Variants in STPG2 observed in about 807,000 individuals in gnomAD.
The protein encoded by STPG2 is sperm tail PG-rich repeat containing 2.
In STPG2, 56 loss-of-function variants were observed where a neutral mutation model predicts 54.2. The observed-to-expected ratio is 1.03, with a 90% CI of 0.83 to 1.29. STPG2 has a LOEUF of 1.29. Among genes scored for constraint, STPG2 ranks in the 50% most tolerant of loss-of-function variants. STPG2 has a pLI of 0.00. For synonymous variants in STPG2, 200 were observed against 181.8 expected (o/e 1.10, Z -0.81); for missense variants, 596 against 544.9 (o/e 1.09, Z -0.93).
intron 9 of STPG2, among the ~76,000 whole-genome samples, chr4:97,773,992 A>AGGGT (rs1726296245): frequency 1.2e-5 from 1 of 80,976 alleles, no homozygotes; most frequent in Non-Finnish European, 3.1e-5. Context: ...TCTAAAATAT[A>AGGGT]GGGTGTGTGT....
At chr4:98,048,088 G>GTA (rs1397392478) in intron 5 of STPG2, among the ~76,000 whole-genome samples, 4 of 127,112 alleles carry the variant, frequency 3.1e-5, no homozygotes, top group African/African-American at 1.2e-4. Flanking sequence ...AGGGACAAAA[G>GTA]TATGGTTTTT....
intron 10 of STPG2, among the ~76,000 whole-genome samples, chr4:97,634,367 G>T (rs1437028515): frequency 6.6e-6 from 1 of 152,110 alleles, no homozygotes. Context: ...AAGACCAAAA[G>T]TAGATAAAAC....
chr4:97,708,283 A>G (rs1232044658), intron 10 of STPG2, among the ~76,000 whole-genome samples: 1 of 152,090 alleles, frequency 6.6e-6, no homozygotes, highest in Non-Finnish European at 1.5e-5. Context: ...CAAAGGAAAC[A>G]ACGTAAATAG....
At chr4:97,906,278 A>C (rs1222692031) in intron 8 of STPG2, among the ~76,000 whole-genome samples, 4 of 152,354 alleles carry the variant, frequency 2.6e-5, no homozygotes, top group South Asian at 2.1e-4. Context: ...GAAATGGATA[A>C]ATTCCTCGAA....
At chr4:97,773,994 G>GGGGTGTGT (rs71588915) in intron 9 of STPG2, among the ~76,000 whole-genome samples, 39 of 147,352 alleles carry the variant, frequency 2.6e-4, no homozygotes, top group African/African-American at 8.8e-4. Flanking sequence ...TAAAATATAG[G>GGGGTGTGT]GTGTGTGTGT....
chr4:97,553,605 G>A (rs1038866831), intron 4 of STPG2, among the ~76,000 whole-genome samples: 1 of 152,122 alleles, frequency 6.6e-6, no homozygotes, highest in African/African-American at 2.4e-5. Context: ...ATATTGAAAA[G>A]AACAGAGGAC....
chr4:97,788,410 C>A (rs1578564609), intron 9 of STPG2, among the ~76,000 whole-genome samples: 1 of 152,178 alleles, frequency 6.6e-6, no homozygotes, highest in South Asian at 2.1e-4. Context: ...AGATCTCATT[C>A]TTTTTCATGG....
chr4:98,121,857 G>A (rs1739690387), intron 3 of STPG2, among the ~76,000 whole-genome samples: 1 of 152,066 alleles, frequency 6.6e-6, no homozygotes, highest in African/African-American at 2.4e-5. Flanking sequence ...AAGTAGCTGG[G>A]ACTACAGGCG....
intron 5 of STPG2, among the ~76,000 whole-genome samples, chr4:98,070,683 A>G (rs1242714882): frequency 6.6e-6 from 1 of 152,102 alleles, no homozygotes; most frequent in Admixed American, 6.5e-5. Flanking sequence ...TACAAAATCA[A>G]TGTGCAAAAT....
At chr4:97,588,092 T>A (rs1733044830) in intron 10 of STPG2, among the ~76,000 whole-genome samples, 1 of 151,864 alleles carries the variant, frequency 6.6e-6, no homozygotes, top group Non-Finnish European at 1.5e-5. Flanking sequence ...AAGAAGTGAA[T>A]CAGAACCAAT....
intron 4 of STPG2, among the ~76,000 whole-genome samples, chr4:97,473,014 A>T (rs1004437690): frequency 4.6e-5 from 7 of 152,160 alleles, no homozygotes; most frequent in Non-Finnish European, 8.8e-5. Flanking sequence ...CACTTCCCCA[A>T]TCAATACCTT....
At chr4:97,599,755 T>C (rs1578415619) in intron 10 of STPG2, among the ~76,000 whole-genome samples, 2 of 142,818 alleles carry the variant, frequency 1.4e-5, no homozygotes. Context: ...ACCTCGGAGG[T>C]GGAGCTTGCA....
chr4:97,717,589 C>G (rs541897566), intron 9 of STPG2, among the ~76,000 whole-genome samples: 67 of 152,268 alleles, frequency 4.4e-4, no homozygotes, highest in African/African-American at 1.5e-3. Flanking sequence ...ACCTCTAATA[C>G]ATACTTATCA....
intron 1 of STPG2, among the ~76,000 whole-genome samples, chr4:98,136,950 AC>A (rs1485661266): frequency 1.3e-5 from 2 of 151,814 alleles, no homozygotes; most frequent in Admixed American, 1.3e-4. Context: ...AGGAAAAAGA[AC>A]AGATGAGATA....
intron 8 of STPG2, among the ~76,000 whole-genome samples, chr4:97,915,980 G>C (rs1450346683): frequency 6.6e-6 from 1 of 152,172 alleles, no homozygotes; most frequent in East Asian, 1.9e-4. Context: ...TAATTAGTCA[G>C]AATGGAAAAG....
intron 10 of STPG2, among the ~76,000 whole-genome samples, chr4:97,691,059 C>T (rs1001038370): frequency 6.6e-6 from 1 of 152,178 alleles, no homozygotes; most frequent in Non-Finnish European, 1.5e-5. Flanking sequence ...GACTAACTTG[C>T]AGCTCCCACT....
intron 4 of STPG2, among the ~76,000 whole-genome samples, chr4:97,531,539 G>A (rs1465895155): frequency 6.6e-6 from 1 of 152,220 alleles, no homozygotes; most frequent in African/African-American, 2.4e-5. Context: ...AAAAATGAAT[G>A]AGATCCTGTC....
At position 97,850,216 on chromosome 4, in the gene STPG2, A is replaced by G. The variant is rs1452982706; in HGVS notation, c.1045-9284T>C. Among the ~76,000 whole-genome samples, 32 of 137,956 alleles carry G rather than the reference A, an allele frequency of 2.3e-4. 1 individual carries two copies. Among genetic ancestry groups the G allele is most frequent in the African/African-American group, 7.6e-4 (28 of 36,834 alleles). The allele number at this position is 137,956 out of a possible 152,430, so 90.5% of individuals were successfully genotyped here. A position where few individuals can be genotyped will look rare whatever the true frequency, so the allele number is the denominator to read the frequency against. Reference sequence around the variant, plus strand: ...TATTCTCACTCATAGGTGGGAATTGAACAATGAGATCACATGGACACAGGA... The same window carrying G: ...TATTCTCACTCATAGGTGGGAATTGGACAATGAGATCACATGGACACAGGA... On this transcript the variant is annotated intron_variant, in intron 8 of 10. Coordinates refer to ENST00000295268, the MANE Select transcript of STPG2 (RefSeq NM_174952.3).
intron 5 of STPG2, among the ~76,000 whole-genome samples, chr4:97,999,695 T>A (rs567593370): frequency 6.7e-6 from 1 of 148,394 alleles, no homozygotes; most frequent in South Asian, 2.2e-4. Context: ...TGAGACTCTG[T>A]CTCAAAAAAC....
Sources: gnomAD v4.1 joint callset for allele counts (sites outside exome capture counted in the v4.1 genomes callset) on GRCh38, gnomAD v4.1.1 for gene constraint, MANE v1.5 for transcripts, NCBI Gene and HGNC (gene_info 2026-07-23, HGNC 2026-07-21) for gene names.